Variants in AFAP1L2 observed in about 807,000 individuals in gnomAD.
AFAP1L2 encodes the protein actin filament associated protein 1 like 2, also known as actin filament-associated protein 1-like 2.
Under a neutral mutation model 99.3 loss-of-function variants are expected in AFAP1L2, and 46 were observed. That is an observed-to-expected ratio of 0.46 (90% CI 0.37 to 0.59). The LOEUF is 0.59. Among genes scored for constraint, AFAP1L2 ranks in the 20% least tolerant of loss-of-function variants. The pLI is 0.00. For missense variants in AFAP1L2, 959 were observed against 1,034.9 expected, an observed-to-expected ratio of 0.93 and a Z score of 1.01; for synonymous variants, 397 against 419.1, an observed-to-expected ratio of 0.95 and a Z score of 0.64.
intron 7 of AFAP1L2, among the ~76,000 whole-genome samples, chr10:114,311,603 A>G (rs762377007): frequency 2.0e-5 from 3 of 152,208 alleles, no homozygotes. Context: ...GAGCGCTTGT[A>G]TGTCAAGCAC....
At chr10:114,308,555 G>A (rs1405161062) in intron 8 of AFAP1L2, 38 bp from the exon 9 acceptor site, 8 of 1,574,444 alleles carry the variant, frequency 5.1e-6, no homozygotes, top group Non-Finnish European at 6.1e-6. Context: ...ATCACTGGCT[G>A]GGAACAGTTA....
chr10:114,309,927 TTC>T (rs1455468229), intron 8 of AFAP1L2, among the ~76,000 whole-genome samples: 1 of 152,182 alleles, frequency 6.6e-6, no homozygotes, highest in Non-Finnish European at 1.5e-5. Context: ...ATGTTTCTTC[TTC>T]TCTTTTTTCT....
Position 114,297,365 on chromosome 10 carries a change from T to C in AFAP1L2, c.2162A>G (p.Glu721Gly), listed in dbSNP as rs540870119. 18 of 1,613,586 alleles carry C rather than the reference T, an allele frequency of 1.1e-5. No individual in the cohort carries two copies. The highest frequency in any genetic ancestry group is 1.5e-5 in the Non-Finnish European group (18 of 1,180,018). The change falls in exon 17 of 19, where the codon GAG becomes GGG. Residue 721 changes from glutamate to glycine, a missense_variant. Physicochemically the swap from Glu to Gly is moderately conservative, Grantham distance 98. This residue lies in a region of AFAP1L2 where 576 missense variants were observed against 562.1 expected (regional missense o/e 1.02). Transcript: ENST00000304129. ...SLEQKLKEID[E>G]ECRGEESRRV... ...CCTGCTCTCCTCGCCCCGGCACTCCTCGTCAATTTCCTTCAGCTTCTGCTC... is the reference window on the plus strand; with the variant it reads ...CCTGCTCTCCTCGCCCCGGCACTCCCCGTCAATTTCCTTCAGCTTCTGCTC...
intron 18 of AFAP1L2, 153 bp from the exon 19 acceptor site, chr10:114,296,221 G>A (rs927222638): frequency 4.0e-6 from 4 of 1,007,058 alleles, no homozygotes; most frequent in Non-Finnish European, 6.1e-6. Context: ...GTTCATCACT[G>A]CTTAGAGTGC....
chr10:114,340,143 G>C (rs1315903753), intron 2 of AFAP1L2, among the ~76,000 whole-genome samples: 9 of 149,232 alleles, frequency 6.0e-5, no homozygotes, highest in Non-Finnish European at 8.9e-5. Flanking sequence ...ACCAGCCTGG[G>C]CAACATGGTG....
intron 1 of AFAP1L2, among the ~76,000 whole-genome samples, chr10:114,352,944 A>G (rs183784390): frequency 3.9e-5 from 6 of 152,220 alleles, no homozygotes; most frequent in Admixed American, 6.5e-5. Flanking sequence ...CCCCTCATCC[A>G]TTCACTCATA....
At chr10:114,361,058 A>G (rs986254341) in intron 1 of AFAP1L2, among the ~76,000 whole-genome samples, 1 of 152,200 alleles carries the variant, frequency 6.6e-6, no homozygotes, top group Non-Finnish European at 1.5e-5. Flanking sequence ...TGTGTCTCAC[A>G]TATCGGCAGA....
At chr10:114,348,463 C>T (rs917211024) in intron 1 of AFAP1L2, among the ~76,000 whole-genome samples, 4 of 152,160 alleles carry the variant, frequency 2.6e-5, no homozygotes, top group African/African-American at 2.4e-5. Flanking sequence ...AGATTCATCC[C>T]GGTTGTAATG....
Position 114,295,962 on chromosome 10 carries a change from C to A in AFAP1L2, c.*80G>T. 5.6e-6 allele frequency: 9 copies of A among 1,612,060 alleles called. No individual in the cohort carries two copies. The highest frequency in any genetic ancestry group is 7.6e-6 in the Non-Finnish European group (9 of 1,178,746). On this transcript the variant is annotated 3_prime_UTR_variant, in exon 19 of 19. Coordinates refer to ENST00000304129, the MANE Select transcript of AFAP1L2 (RefSeq NM_001001936.3). Reference sequence around the variant, plus strand: ...TTTCTTCTAAACAGACTCACCCTTTCGCATAGTTTTTGCTTTAACAAAGCA... The same window carrying A: ...TTTCTTCTAAACAGACTCACCCTTTAGCATAGTTTTTGCTTTAACAAAGCA...
In AFAP1L2 at chr10:114,295,290, C is replaced by T; in HGVS notation, c.*752G>A. ...CTTTAATCTCAAAAGATACTTTTCA[C>T]TGTTCTAAATGACAGGATTTTAAGC... On this transcript the variant is annotated 3_prime_UTR_variant, in exon 19 of 19. Transcript: ENST00000304129. 1 of 984,854 alleles carries T rather than the reference C, an allele frequency of 1.0e-6. No homozygotes were observed. The highest frequency in any genetic ancestry group is 4.7e-5 in the South Asian group (1 of 21,270). 61.0% of individuals were successfully genotyped at this position (984,854 alleles called of 1,614,324 possible).
rs142465769 is a variant in AFAP1L2, at chr10:114,296,546, A to G, written c.2430+432T>C. The G allele has an allele frequency of 1.7e-4, 37 of 216,484 alleles. No homozygotes were observed. The East Asian group carries it at 3.6e-3, about 21-fold the overall frequency. 13.4% of individuals were successfully genotyped at this position (216,484 alleles called of 1,614,324 possible). ...ATTCCTCATTCACAACTTGCTGAGA[A>G]TTTTGCCAGTAGTTGGGTGGGCAAC... is the stretch of plus-strand genomic sequence containing the variant. On this transcript the variant is annotated intron_variant, in intron 18 of 18. Coordinates refer to ENST00000304129, the MANE Select transcript of AFAP1L2 (RefSeq NM_001001936.3).
chr10:114,365,257 C>T (rs999731804), intron 1 of AFAP1L2, among the ~76,000 whole-genome samples: 1 of 152,130 alleles, frequency 6.6e-6, no homozygotes, highest in African/African-American at 2.4e-5. Context: ...CCCAACCCAA[C>T]ACATAATGAA....
At position 114,318,819 on chromosome 10, in the gene AFAP1L2, T is replaced by A. The variant is rs188015829; in HGVS notation, c.407-3054A>T. On this transcript the variant is annotated intron_variant, in intron 5 of 18. Coordinates refer to ENST00000304129, the MANE Select transcript of AFAP1L2 (RefSeq NM_001001936.3). ...AAATTTAGAGCAAATATATTAATAA[T>A]TGTTTTTACCCCTAAAAGGGATCAC... Among the ~76,000 whole-genome samples, 374 of 151,578 alleles carry A rather than the reference T, an allele frequency of 2.5e-3. 2 individuals carry two copies. The highest frequency in any genetic ancestry group is 8.4e-3 in the African/African-American group (348 of 41,320).
the AFAP1L2 span, chr10:114,282,693 A>AT: frequency 1.3e-6 from 1 of 798,536 alleles, no homozygotes; most frequent in Non-Finnish European, 2.2e-6. Context: ...GGGCAGAGGG[A>AT]TGGGGCACTT....
At chr10:114,383,554 A>C (rs1220465327) in intron 1 of AFAP1L2, among the ~76,000 whole-genome samples, 2 of 152,240 alleles carry the variant, frequency 1.3e-5, no homozygotes, top group African/African-American at 4.8e-5. Context: ...ATATTTTATA[A>C]TAAGCATGTA....
At chr10:114,321,112 C>A (rs1041382101) in intron 5 of AFAP1L2, among the ~76,000 whole-genome samples, 7 of 152,192 alleles carry the variant, frequency 4.6e-5, no homozygotes, top group Non-Finnish European at 1.0e-4. Flanking sequence ...CCCATCTCAT[C>A]CCTGGTCCTG....
chr10:114,301,413 T>C lies in AFAP1L2; in HGVS notation c.1483A>G (p.Ser495Gly). 1.9e-6 allele frequency: 3 copies of C among 1,614,238 alleles called. No homozygotes were observed. The highest frequency in any genetic ancestry group is 2.5e-6 in the Non-Finnish European group (3 of 1,180,028). The change falls in exon 13 of 19, where the codon AGC (serine) becomes GGC (glycine). Residue 495 changes from serine to glycine, a missense_variant. Physicochemically the swap from Ser to Gly is moderately conservative, Grantham distance 56 (BLOSUM62 0). Transcript: ENST00000304129. The stretch of plus-strand genomic sequence containing the variant: ...TACAGCTCCTCCTGGCGGTCCTGGC[T>C]AGGCAGGCCATCGATGTAAGTGTTG... ...EPNTYIDGLP[S>G]QDRQEELYDD...
intron 1 of AFAP1L2, among the ~76,000 whole-genome samples, chr10:114,389,102 G>A (rs556685220): frequency 6.6e-6 from 1 of 152,222 alleles, no homozygotes; most frequent in Non-Finnish European, 1.5e-5. Context: ...CACACCCTGA[G>A]CCCACATCCA....
Position 114,300,470 on chromosome 10 carries a change from T to C in AFAP1L2, c.1763A>G (p.Lys588Arg). 6.2e-7 allele frequency: 1 copy of C among 1,613,552 alleles called. No individual in the cohort carries two copies. Among genetic ancestry groups the C allele is most frequent in the East Asian group, 2.2e-5 (1 of 44,858 alleles). Reference protein sequence around the residue: ...PGPTPDEPCIKCPENLGEQQL... With the variant: ...PGPTPDEPCIRCPENLGEQQL... ...CTGTTCTCCCAGGTTCTCTGGACAC[T>C]TTATGCAGGGCTCATCTGGGGTGGG... Residue 588 changes from lysine to arginine, a missense_variant, in exon 14 of 19, where the codon AAG becomes AGG. Coordinates refer to ENST00000304129, the MANE Select transcript of AFAP1L2 (RefSeq NM_001001936.3).
Sources: allele counts gnomAD v4.1 joint callset (sites outside exome capture counted in the v4.1 genomes callset), GRCh38; gene constraint gnomAD v4.1.1; regional missense constraint gnomAD v4.1.1; transcripts MANE v1.5; gene names NCBI Gene and HGNC (gene_info 2026-07-23, HGNC 2026-07-21).